Variants in CUBN observed in about 807,000 individuals in gnomAD.
The protein encoded by CUBN is 460 kDa receptor.
CUBN carries 282 observed loss-of-function variants against 405.3 expected under a neutral mutation model. The ratio of observed to expected loss-of-function variants is 0.70; its 90% CI spans 0.63 to 0.77. CUBN has a LOEUF of 0.77. CUBN is among the 30% of genes least tolerant of loss of function. CUBN has a pLI of 0.00. For synonymous variants in CUBN, 1,684 were observed against 1,617.0 expected (o/e 1.04, Z -0.99); for missense variants, 4,514 against 4,475.2 (o/e 1.01, Z -0.25).
intron 40 of CUBN, among the ~76,000 whole-genome samples, chr10:16,932,451 T>G (rs570116059): frequency 5.9e-5 from 9 of 152,278 alleles, no homozygotes; most frequent in African/African-American, 1.9e-4. Flanking sequence ...ATCAGCAATA[T>G]TTATGTCTCT....
At chr10:17,099,495 C>G (rs1836450011) in intron 14 of CUBN, among the ~76,000 whole-genome samples, 1 of 152,110 alleles carries the variant, frequency 6.6e-6, no homozygotes, top group African/African-American at 2.4e-5. Flanking sequence ...CTATTTCATG[C>G]TTATTTTGTT....
chr10:17,102,396 C>T (rs903719764), intron 13 of CUBN, among the ~76,000 whole-genome samples: 2 of 151,524 alleles, frequency 1.3e-5, no homozygotes, highest in African/African-American at 4.9e-5. Flanking sequence ...AAGTGATTCT[C>T]CTGCCTCAGC....
At chr10:17,077,520 A>G (rs928296802) in intron 17 of CUBN, among the ~76,000 whole-genome samples, 10 of 152,214 alleles carry the variant, frequency 6.6e-5, no homozygotes, top group African/African-American at 2.4e-4. Context: ...TTGGTTTTAT[A>G]CTATAATTTC....
At chr10:16,834,128 G>A (rs756274092) in intron 64 of CUBN, among the ~76,000 whole-genome samples, 1 of 152,138 alleles carries the variant, frequency 6.6e-6, no homozygotes, top group South Asian at 2.1e-4. Context: ...CTCAAACCCC[G>A]TGAGCTCTGG....
chr10:17,109,627 G>A lies in CUBN; in HGVS notation c.1111+13C>T. ...TACAATACCCAAAGCCAAAGAGAGA[G>A]ATGAGTCATTACCTAGAGTTGAGGA... On this transcript the variant is annotated intron_variant, in intron 10 of 66. Coordinates refer to ENST00000377833, the MANE Select transcript of CUBN (RefSeq NM_001081.4). The A allele has an allele frequency of 1.2e-6, 2 of 1,603,538 alleles. No individual in the cohort carries two copies. Among genetic ancestry groups the A allele is most frequent in the Non-Finnish European group, 1.7e-6 (2 of 1,170,342 alleles).
intron 56 of CUBN, among the ~76,000 whole-genome samples, chr10:16,884,040 C>G (rs759233753): frequency 1.3e-5 from 2 of 152,126 alleles, no homozygotes; most frequent in Non-Finnish European, 2.9e-5. Flanking sequence ...AGGGCAGTAG[C>G]GCAATCTTGG....
chr10:16,865,462 G>A (rs1368314251), intron 59 of CUBN, among the ~76,000 whole-genome samples: 2 of 151,814 alleles, frequency 1.3e-5, no homozygotes, highest in African/African-American at 2.4e-5. Context: ...CAGCATGTGT[G>A]CTCTGGGCAA....
At chr10:16,897,515 G>A (rs570273652) in intron 54 of CUBN, among the ~76,000 whole-genome samples, 144 of 152,164 alleles carry the variant, frequency 9.5e-4, no homozygotes, top group Non-Finnish European at 1.8e-3. Context: ...CAATACCCCC[G>A]GGTACCTCAA....
intron 21 of CUBN, among the ~76,000 whole-genome samples, chr10:17,066,470 G>A (rs1229525353): frequency 2.0e-5 from 3 of 152,006 alleles, no homozygotes; most frequent in African/African-American, 7.2e-5. Flanking sequence ...TACGGGAAAT[G>A]GATACGTCAA....
intron 51 of CUBN, 50 bp downstream of exon 51, chr10:16,903,916 T>C (rs1448503388): frequency 1.5e-6 from 2 of 1,311,062 alleles, no homozygotes; most frequent in Non-Finnish European, 2.1e-6. Flanking sequence ...TGGAAAAAAA[T>C]CATTAATCTT....
At chr10:17,007,500 A>T (rs1234836758) in intron 28 of CUBN, among the ~76,000 whole-genome samples, 1 of 152,186 alleles carries the variant, frequency 6.6e-6, no homozygotes, top group Non-Finnish European at 1.5e-5. Context: ...GAACTGGGGA[A>T]ATGAATGAAG....
Position 16,961,954 on chromosome 10 carries a change from C to T in CUBN, c.4696-7406G>A, listed in dbSNP as rs1398104597. ...GTCTCCATCTCCTGACCTCGTGATC[C>T]GCCCGCCTCAGCCTCCCAAAGTGCT... On this transcript the variant is annotated intron_variant, in intron 31 of 66. Coordinates refer to ENST00000377833, the MANE Select transcript of CUBN (RefSeq NM_001081.4). Among the ~76,000 whole-genome samples the T allele has an allele frequency of 3.3e-5, 5 of 152,150 alleles. No individual in the cohort carries two copies. In the East Asian group the frequency reaches 7.8e-4, roughly 24 times the overall value.
chr10:16,950,883 C>T (rs769801288), intron 33 of CUBN, among the ~76,000 whole-genome samples: 10 of 152,166 alleles, frequency 6.6e-5, no homozygotes, highest in Admixed American at 4.6e-4. Flanking sequence ...GGATTCTTTG[C>T]ATGTGCTTGT....
chr10:16,921,371 A>C (rs1015047274), intron 43 of CUBN, among the ~76,000 whole-genome samples: 8 of 152,044 alleles, frequency 5.3e-5, no homozygotes, highest in Non-Finnish European at 1.0e-4. Context: ...TCTCTGGATC[A>C]AGTTCCCATC....
rs11464946 is a variant in CUBN at position 16,997,432 on chromosome 10, T to TAAA, written c.4169-6920_4169-6918dup. 7.5e-3 allele frequency among the ~76,000 whole-genome samples: 914 copies of TAAA among 122,632 alleles called. 24 individuals are homozygous for TAAA. The highest frequency in any genetic ancestry group is 0.026 in the African/African-American group (858 of 33,170). 80.5% of individuals were successfully genotyped at this position (122,632 alleles called of 152,430 possible). The stretch of plus-strand genomic sequence containing the variant: ...CCTGGCAACAGAGTGAGACTCCATC[T>TAAA]AAAAAAAAAAAAAAAAAGGCAGCTT... On this transcript the variant is annotated intron_variant, in intron 28 of 66. Transcript: ENST00000377833.
Position 16,956,665 on chromosome 10 carries a change from C to T in CUBN, c.4696-2117G>A, listed in dbSNP as rs80152416. On this transcript the variant is annotated intron_variant, in intron 31 of 66. Coordinates refer to ENST00000377833, the MANE Select transcript of CUBN (RefSeq NM_001081.4). ...AGCTTGTAGTAATATTCTATTAATA[C>T]TGTCTTAGTTTTAATATCAAAGGAT... Among the ~76,000 whole-genome samples the T allele has an allele frequency of 2.0e-3, 310 of 152,132 alleles. 5 individuals carry two copies. The East Asian group carries it at 0.051, about 25-fold the overall frequency.
chr10:17,102,161 T>C (rs1836507160), intron 13 of CUBN, among the ~76,000 whole-genome samples: 1 of 152,168 alleles, frequency 6.6e-6, no homozygotes, highest in African/African-American at 2.4e-5. Context: ...ACTTTGAAAT[T>C]CAACTATTAC....
At chr10:16,840,028 GA>G (rs2131318508) in intron 62 of CUBN, among the ~76,000 whole-genome samples, 1 of 138,848 alleles carries the variant, frequency 7.2e-6, no homozygotes, top group Admixed American at 8.0e-5. Flanking sequence ...GGAACACATG[GA>G]CACAGGAAGG....
At chr10:16,966,707 T>G (rs2131661340) in intron 31 of CUBN, among the ~76,000 whole-genome samples, 1 of 152,202 alleles carries the variant, frequency 6.6e-6, no homozygotes, top group Middle Eastern at 3.4e-3. Context: ...CCTTGGCCTT[T>G]CAAAGTGCTG....
Sources: gnomAD v4.1 joint callset for allele counts (sites outside exome capture counted in the v4.1 genomes callset) on GRCh38, gnomAD v4.1.1 for gene constraint, MANE v1.5 for transcripts, NCBI Gene and HGNC (gene_info 2026-07-23, HGNC 2026-07-21) for gene names.